Variants in ARHGAP10 observed in about 807,000 individuals in gnomAD.
ARHGAP10 encodes Rho GTPase activating protein 10, also known as rho GTPase-activating protein 10.
A neutral mutation model predicts 108.6 loss-of-function variants in ARHGAP10; 87 were observed. That is an observed-to-expected ratio of 0.80 (90% CI 0.67 to 0.96). The LOEUF is 0.96. ARHGAP10 is among the 40% of genes least tolerant of loss of function. ARHGAP10 has a pLI of 0.00. For missense variants in ARHGAP10, 939 were observed against 954.5 expected (o/e 0.98, Z 0.21); for synonymous variants, 347 against 341.1 (o/e 1.02, Z -0.19).
Position 147,733,128 on chromosome 4 carries a change from C to T in ARHGAP10, c.154+673C>T, listed in dbSNP as rs936630560. ...CGGACAGCCTGCCCTCTAGCCTAGG[C>T]GGGCACTGCTTGCAAATAGGGAATT... On this transcript the variant is annotated intron_variant, in intron 1 of 22. Transcript: ENST00000336498. Among the ~76,000 whole-genome samples the T allele has an allele frequency of 2.0e-5, 3 of 152,140 alleles. No individual in the cohort carries two copies. In the East Asian group the frequency reaches 5.8e-4, roughly 29 times the overall value.
intron 18 of ARHGAP10, among the ~76,000 whole-genome samples, chr4:148,015,816 A>G (rs1741324429): frequency 6.6e-6 from 1 of 152,228 alleles, no homozygotes; most frequent in Non-Finnish European, 1.5e-5. Context: ...TCTTTTAGAA[A>G]GAAGATCGGA....
chr4:148,032,395 C>T (rs1728192280), intron 19 of ARHGAP10, among the ~76,000 whole-genome samples: 1 of 120,896 alleles, frequency 8.3e-6, no homozygotes, highest in Admixed American at 1.2e-4. Flanking sequence ...TGTAGTTCAA[C>T]TTGTGGTTTC....
chr4:148,020,758 C>T (rs1013063684), intron 18 of ARHGAP10, among the ~76,000 whole-genome samples: 3 of 152,110 alleles, frequency 2.0e-5, no homozygotes, highest in South Asian at 4.1e-4. Context: ...CAAACATACT[C>T]GTGCGTGTAT....
chr4:147,978,484 T>C (rs1739685382), intron 18 of ARHGAP10, among the ~76,000 whole-genome samples: 2 of 151,954 alleles, frequency 1.3e-5, no homozygotes, highest in Non-Finnish European at 2.9e-5. Flanking sequence ...ATAATGGGGG[T>C]GGATTTTCCC....
chr4:147,872,536 G>A (rs558710530), intron 7 of ARHGAP10, among the ~76,000 whole-genome samples: 2 of 152,262 alleles, frequency 1.3e-5, no homozygotes, highest in Admixed American at 6.5e-5. Context: ...GCACCCCTGC[G>A]CTATTGGATG....
intron 13 of ARHGAP10, among the ~76,000 whole-genome samples, chr4:147,931,672 A>T (rs1737692208): frequency 6.6e-6 from 1 of 152,218 alleles, no homozygotes; most frequent in Non-Finnish European, 1.5e-5. Context: ...CAGGTTCACG[A>T]TTCTTCATCT....
intron 19 of ARHGAP10, among the ~76,000 whole-genome samples, chr4:148,025,132 A>T (rs970688111): frequency 3.3e-5 from 5 of 152,228 alleles, no homozygotes; most frequent in Non-Finnish European, 5.9e-5. Context: ...CTGTAGTGGT[A>T]TTTAGCATAT....
chr4:147,912,946 C>T, intron 12 of ARHGAP10, 128 bp from the exon 13 acceptor site: 2 of 879,046 alleles, frequency 2.3e-6, no homozygotes, highest in Non-Finnish European at 3.6e-6. Flanking sequence ...ATGTGCCTAT[C>T]TGCCTTTAGC....
intron 18 of ARHGAP10, among the ~76,000 whole-genome samples, chr4:147,982,771 A>G (rs1044274290): frequency 4.6e-5 from 7 of 151,978 alleles, no homozygotes; most frequent in Non-Finnish European, 1.0e-4. Context: ...TTATCCCCAA[A>G]TATGTTTTCC....
In ARHGAP10 at chr4:148,066,298, C is replaced by T. The variant is rs59135572; in HGVS notation, c.2272+1791C>T. Among the ~76,000 whole-genome samples, 1,197 of 152,292 alleles carry T rather than the reference C, an allele frequency of 7.9e-3. 17 individuals carry two copies. The highest frequency in any genetic ancestry group is 0.027 in the African/African-American group (1,123 of 41,548). The stretch of plus-strand genomic sequence containing the variant: ...TTACCCATCCTCACATCCCAGTATG[C>T]AGAACTGAGTCACATGCTTACCCTA... On this transcript the variant is annotated intron_variant, in intron 22 of 22. Coordinates refer to ENST00000336498, the MANE Select transcript of ARHGAP10 (RefSeq NM_024605.4).
At chr4:147,993,481 C>T (rs549415957) in intron 18 of ARHGAP10, among the ~76,000 whole-genome samples, 59 of 152,300 alleles carry the variant, frequency 3.9e-4, no homozygotes, top group Non-Finnish European at 4.7e-4. Flanking sequence ...ATTTATTCAG[C>T]AAACATTAAG....
At chr4:147,827,579 C>T (rs1017707221) in intron 3 of ARHGAP10, among the ~76,000 whole-genome samples, 4 of 151,998 alleles carry the variant, frequency 2.6e-5, no homozygotes, top group Non-Finnish European at 4.4e-5. Context: ...CCCCCGACAC[C>T]GGGACAAGGA....
chr4:147,761,523 C>A (rs1173782058), intron 1 of ARHGAP10, among the ~76,000 whole-genome samples: 3 of 152,128 alleles, frequency 2.0e-5, no homozygotes, highest in African/African-American at 7.2e-5. Flanking sequence ...TGGTTCCTCT[C>A]TGATTCTCAA....
chr4:147,982,855 G>A (rs1223652551), intron 18 of ARHGAP10, among the ~76,000 whole-genome samples: 2 of 151,620 alleles, frequency 1.3e-5, no homozygotes, highest in South Asian at 2.1e-4. Flanking sequence ...ACATAATCTC[G>A]TATTTCTCAA....
intron 20 of ARHGAP10, among the ~76,000 whole-genome samples, chr4:148,060,922 G>A (rs112398833): frequency 2.0e-3 from 303 of 152,296 alleles, no homozygotes; most frequent in African/African-American, 7.0e-3. Context: ...GACAAGGACT[G>A]CTGATTCTGT....
chr4:148,045,234 C>T (rs1728821883), intron 19 of ARHGAP10, among the ~76,000 whole-genome samples: 2 of 152,150 alleles, frequency 1.3e-5, no homozygotes, highest in African/African-American at 2.4e-5. Flanking sequence ...TTTCTTCTTC[C>T]AGCCATCACC....
chr4:147,904,953 G>A (rs983706872), intron 10 of ARHGAP10, among the ~76,000 whole-genome samples: 7 of 152,084 alleles, frequency 4.6e-5, no homozygotes, highest in Non-Finnish European at 1.0e-4. Context: ...ATCTCATTGT[G>A]GATTTGATTT....
At chr4:147,909,664 G>C (rs1431905316) in intron 11 of ARHGAP10, 68 bp from the exon 12 acceptor site, 1 of 1,313,062 alleles carries the variant, frequency 7.6e-7, no homozygotes, top group Non-Finnish European at 1.1e-6. Flanking sequence ...ATGGTCCTCA[G>C]TGTGCCTACT....
intron 3 of ARHGAP10, among the ~76,000 whole-genome samples, chr4:147,830,511 CCTTTTTT>C (rs753216977): frequency 1.1e-5 from 1 of 90,884 alleles, no homozygotes; most frequent in Non-Finnish European, 2.1e-5. Flanking sequence ...AACCACAATT[CCTTTTTT>C]TTTTTTTTTT....
Sources: allele counts gnomAD v4.1 joint callset (sites outside exome capture counted in the v4.1 genomes callset), GRCh38; gene constraint gnomAD v4.1.1; transcripts MANE v1.5; gene names NCBI Gene and HGNC (gene_info 2026-07-23, HGNC 2026-07-21).